Variants in WWOX observed in about 807,000 individuals in gnomAD.
WWOX encodes WW domain containing oxidoreductase, also known as WW domain-containing oxidoreductase.
A neutral mutation model predicts 46.2 loss-of-function variants in WWOX; 69 were observed. The observed-to-expected ratio is 1.49, with a 90% CI of 1.23 to 1.82. WWOX has a LOEUF of 1.82. WWOX is among the 40% of genes most tolerant of loss of function. The probability of loss-of-function intolerance (pLI) is 0.00; values close to 1 mark genes in which losing one functional copy is unlikely to be tolerated. For missense variants in WWOX, 919 were observed against 542.6 expected (o/e 1.69, Z -6.89); for synonymous variants, 359 against 202.6 (o/e 1.77, Z -6.56).
At chr16:78,895,400 C>G (rs779712511) in intron 8 of WWOX, 1 of 152,232 alleles carries the variant, frequency 6.6e-6, no homozygotes, top group Non-Finnish European at 1.5e-5. Context: ...TGAGTGTTGT[C>G]TCCTCTGTGG....
chr16:78,467,913 C>T (rs1039248446), intron 8 of WWOX, among the ~76,000 whole-genome samples: 1 of 152,164 alleles, frequency 6.6e-6, no homozygotes, highest in Non-Finnish European at 1.5e-5. Context: ...ATCAGCCTGG[C>T]TTCTTTTCCA....
intron 8 of WWOX, among the ~76,000 whole-genome samples, chr16:78,954,905 T>G (rs2046133955): frequency 6.6e-6 from 1 of 152,144 alleles, no homozygotes; most frequent in Non-Finnish European, 1.5e-5. Flanking sequence ...TCCTCCTGCC[T>G]CAGTTTCCTG....
chr16:78,324,181 G>C (rs2080556060), intron 5 of WWOX, among the ~76,000 whole-genome samples: 1 of 152,030 alleles, frequency 6.6e-6, no homozygotes, highest in African/African-American at 2.4e-5. Flanking sequence ...CTTTCCTCAA[G>C]GCAAGGAACT....
At chr16:78,889,773 C>T (rs1453275419) in intron 8 of WWOX, among the ~76,000 whole-genome samples, 1 of 152,088 alleles carries the variant, frequency 6.6e-6, no homozygotes, top group Non-Finnish European at 1.5e-5. Flanking sequence ...TTTGTTCCGC[C>T]TCGATCACAA....
chr16:78,846,548 G>T (rs2052303927), intron 8 of WWOX, among the ~76,000 whole-genome samples: 1 of 151,994 alleles, frequency 6.6e-6, no homozygotes, highest in African/African-American at 2.4e-5. Flanking sequence ...TGCATTTTTG[G>T]GAGGAATATA....
rs1299769947 is a variant in WWOX at position 78,346,433 on chromosome 16, G to T, written c.517-40427G>T. 2.4e-4 allele frequency among the ~76,000 whole-genome samples: 29 copies of T among 119,628 alleles called. 4 individuals are homozygous for T. The highest frequency in any genetic ancestry group is 6.8e-4 in the African/African-American group (24 of 35,302). The allele number at this position is 119,628 out of a possible 152,430, so 78.5% of individuals were successfully genotyped here. ...AATACTCTGGAGTGGAATGGGCAGG[G>T]TGGTCCGTATAGGGCTATGTATAAC... On this transcript the variant is annotated intron_variant, in intron 5 of 8. Coordinates refer to ENST00000566780, the MANE Select transcript of WWOX (RefSeq NM_016373.4).
chr16:78,421,198 G>C (rs1293357497), intron 6 of WWOX, among the ~76,000 whole-genome samples: 3 of 152,148 alleles, frequency 2.0e-5, no homozygotes, highest in Admixed American at 2.0e-4. Flanking sequence ...CAAAACAACA[G>C]AATTTTACTC....
At chr16:78,507,990 T>TTGCG (rs200498567) in intron 8 of WWOX, among the ~76,000 whole-genome samples, 1 of 27,382 alleles carries the variant, frequency 3.7e-5, no homozygotes, top group African/African-American at 6.4e-5. Context: ...TGATTTTTGG[T>TTGCG]TGCGTGCGTG....
chr16:79,115,366 G>T (rs997970316), intron 8 of WWOX, among the ~76,000 whole-genome samples: 2 of 152,180 alleles, frequency 1.3e-5, no homozygotes, highest in African/African-American at 4.8e-5. Flanking sequence ...CTTATATGGT[G>T]CAGGGTGGTC....
At chr16:79,132,161 CACACA>C (rs1567571781) in intron 8 of WWOX, among the ~76,000 whole-genome samples, 4 of 150,984 alleles carry the variant, frequency 2.6e-5, no homozygotes, top group South Asian at 2.1e-4. Context: ...CACACACACA[CACACA>C]CCCCTTCCTA....
At chr16:79,132,162 ACAC>A (rs2049892964) in intron 8 of WWOX, among the ~76,000 whole-genome samples, 1 of 137,792 alleles carries the variant, frequency 7.3e-6, no homozygotes, top group Non-Finnish European at 1.6e-5. Flanking sequence ...ACACACACAC[ACAC>A]ACCCCTTCCT....
intron 8 of WWOX, among the ~76,000 whole-genome samples, chr16:78,855,971 T>C (rs1381002209): frequency 6.6e-6 from 1 of 152,150 alleles, no homozygotes; most frequent in African/African-American, 2.4e-5. Context: ...AAAAAGTCGG[T>C]GCACGCACAA....
At chr16:78,165,273 T>C (rs764974553) in intron 5 of WWOX, among the ~76,000 whole-genome samples, 39 of 152,322 alleles carry the variant, frequency 2.6e-4, no homozygotes, top group Non-Finnish European at 4.6e-4. Context: ...TTCATTCACA[T>C]ATTCATGAAG....
chr16:78,326,577 G>GCCCC (rs60010994), intron 5 of WWOX, among the ~76,000 whole-genome samples: 4 of 32,780 alleles, frequency 1.2e-4, no homozygotes, highest in African/African-American at 3.9e-4. Context: ...CCCTCCCCCC[G>GCCCC]CCCCCCCCCC....
intron 8 of WWOX, among the ~76,000 whole-genome samples, chr16:79,084,678 G>A (rs1304287123): frequency 1.3e-5 from 2 of 152,186 alleles, no homozygotes; most frequent in Non-Finnish European, 2.9e-5. Flanking sequence ...CTCCCAAAGT[G>A]CTGGGATTAC....
At chr16:78,142,543 C>G (rs550695102) in intron 4 of WWOX, among the ~76,000 whole-genome samples, 1 of 152,180 alleles carries the variant, frequency 6.6e-6, no homozygotes, top group East Asian at 1.9e-4. Context: ...GATGTGATTC[C>G]TCAAGTATGC....
intron 8 of WWOX, among the ~76,000 whole-genome samples, chr16:78,630,672 C>A (rs931171887): frequency 1.2e-4 from 19 of 152,140 alleles, no homozygotes; most frequent in African/African-American, 4.6e-4. Flanking sequence ...GCTCATTTTG[C>A]CTTGCATCCT....
intron 8 of WWOX, among the ~76,000 whole-genome samples, chr16:78,763,607 T>C (rs147508514): frequency 2.2e-4 from 33 of 152,328 alleles, no homozygotes; most frequent in African/African-American, 7.5e-4. Context: ...TTGCTGTCAT[T>C]GAAACAAAAT....
chr16:78,393,326 C>G (rs754311032), intron 6 of WWOX, among the ~76,000 whole-genome samples: 10 of 152,130 alleles, frequency 6.6e-5, no homozygotes, highest in Non-Finnish European at 1.0e-4. Flanking sequence ...TTAACAGCTC[C>G]TAGAGAGAGG....
Sources: allele counts gnomAD v4.1 joint callset (sites outside exome capture counted in the v4.1 genomes callset), GRCh38; gene constraint gnomAD v4.1.1; transcripts MANE v1.5; gene names NCBI Gene and HGNC (gene_info 2026-07-23, HGNC 2026-07-21).